CDC14A: variants seen among roughly 807,000 people sequenced by gnomAD.
CDC14A encodes cell division cycle 14A, also known as dual specificity protein phosphatase CDC14A.
CDC14A carries 53 observed loss-of-function variants against 74.4 expected under a neutral mutation model. The ratio of observed to expected loss-of-function variants is 0.71; its 90% confidence interval spans 0.57 to 0.89. CDC14A has a LOEUF of 0.89. Ranked by LOEUF, CDC14A falls within the 40% of genes least tolerant of loss-of-function variation. The probability of loss-of-function intolerance (pLI) is 0.00; values close to 1 mark genes in which losing one functional copy is unlikely to be tolerated. For synonymous variants in CDC14A, 247 were observed against 258.4 expected, an observed-to-expected ratio of 0.96 and a Z score of 0.43; for missense variants, 646 against 713.7, an observed-to-expected ratio of 0.91 and a Z score of 1.08.
intron 11 of CDC14A, among the ~76,000 whole-genome samples, chr1:100,494,272 T>C (rs1441764584): frequency 1.3e-5 from 2 of 152,142 alleles, no homozygotes; most frequent in Non-Finnish European, 2.9e-5. Flanking sequence ...CTTTAAAGAG[T>C]TATTTCAGAA....
intron 4 of CDC14A, among the ~76,000 whole-genome samples, chr1:100,401,601 A>G (rs1271950351): frequency 1.3e-5 from 2 of 152,236 alleles, no homozygotes; most frequent in Non-Finnish European, 2.9e-5. Context: ...ATTGTGGATA[A>G]TAATGTTAAT....
intron 9 of CDC14A, among the ~76,000 whole-genome samples, chr1:100,463,779 G>T (rs1309745781): frequency 6.6e-6 from 1 of 152,094 alleles, no homozygotes. Flanking sequence ...TTTCGGTATG[G>T]ATAATACTGG....
At chr1:100,415,379 A>T (rs556599600) in intron 4 of CDC14A, among the ~76,000 whole-genome samples, 4 of 152,288 alleles carry the variant, frequency 2.6e-5, no homozygotes, top group South Asian at 2.1e-4. Context: ...TCAAACAAAA[A>T]ACATACTCAT....
At chr1:100,456,639 T>C (rs1666725140) in intron 8 of CDC14A, among the ~76,000 whole-genome samples, 1 of 136,880 alleles carries the variant, frequency 7.3e-6, no homozygotes, top group African/African-American at 3.1e-5. Context: ...ACCCTGTCTC[T>C]TAAAAAAAAA....
At chr1:100,379,801 G>T (rs143105767) in intron 3 of CDC14A, among the ~76,000 whole-genome samples, 4 of 152,132 alleles carry the variant, frequency 2.6e-5, no homozygotes, top group African/African-American at 9.7e-5. Context: ...TTCACTCAAG[G>T]CAGAAGGTCA....
chr1:100,438,300 G>A (rs1192077267), intron 5 of CDC14A, among the ~76,000 whole-genome samples: 1 of 152,070 alleles, frequency 6.6e-6, no homozygotes, highest in Non-Finnish European at 1.5e-5. Flanking sequence ...AATTGAAATA[G>A]TTTTCTGTTA....
chr1:100,516,027 G>C (rs938028110), intron 15 of CDC14A, among the ~76,000 whole-genome samples: 7 of 152,222 alleles, frequency 4.6e-5, no homozygotes, highest in Non-Finnish European at 1.0e-4. Context: ...AGCAAACTAG[G>C]GGGTTGGAAA....
intron 4 of CDC14A, chr1:100,393,297 A>G (rs1657966856): frequency 1.7e-6 from 2 of 1,207,978 alleles, no homozygotes; most frequent in African/African-American, 3.0e-5. Flanking sequence ...TTCATTGTAT[A>G]CTTTCCAGGC....
chr1:100,468,170 C>T, intron 10 of CDC14A, 76 bp downstream of exon 10: 9 of 1,520,864 alleles, frequency 5.9e-6, no homozygotes, highest in Non-Finnish European at 7.2e-6. Context: ...TGGTTGTGGA[C>T]CATGTCAGCC....
At chr1:100,391,448 G>A (rs1434191406) in intron 4 of CDC14A, among the ~76,000 whole-genome samples, 1 of 152,206 alleles carries the variant, frequency 6.6e-6, no homozygotes, top group African/African-American at 2.4e-5. Context: ...GTTTTAGGTG[G>A]TGATTCTGGA....
chr1:100,454,815 A>G (rs1666518566), intron 7 of CDC14A, among the ~76,000 whole-genome samples: 1 of 152,100 alleles, frequency 6.6e-6, no homozygotes, highest in Non-Finnish European at 1.5e-5. Context: ...GACTCTATGT[A>G]TGTCCCTTGC....
chr1:100,351,994 GT>G (rs1651077481), upstream of CDC14A, among the ~76,000 whole-genome samples: 2 of 145,614 alleles, frequency 1.4e-5, no homozygotes, highest in Admixed American at 1.3e-4. Context: ...GTGTGTGTGT[GT>G]GTGTGTGTGC....
intron 2 of CDC14A, among the ~76,000 whole-genome samples, chr1:100,377,271 C>G (rs1373258223): frequency 1.3e-5 from 2 of 152,098 alleles, no homozygotes; most frequent in African/African-American, 4.8e-5. Context: ...AACACCTGAC[C>G]TCAGGCAGTC....
intron 2 of CDC14A, among the ~76,000 whole-genome samples, chr1:100,359,824 C>T (rs1183636867): frequency 6.6e-6 from 1 of 151,782 alleles, no homozygotes; most frequent in East Asian, 1.9e-4. Context: ...AAAAAAAACC[C>T]TCAGAAAACT....
intron 2 of CDC14A, among the ~76,000 whole-genome samples, chr1:100,360,108 ATTTTTTTTT>A (rs35028152): frequency 8.1e-6 from 1 of 123,726 alleles, no homozygotes; most frequent in Non-Finnish European, 1.7e-5. Context: ...ACACCCAGCT[ATTTTTTTTT>A]TTTTTTTTTG....
chr1:100,436,649 C>T (rs1428502204), intron 5 of CDC14A, among the ~76,000 whole-genome samples: 1 of 152,124 alleles, frequency 6.6e-6, no homozygotes, highest in South Asian at 2.1e-4. Flanking sequence ...TGGTCTTGAA[C>T]TCCTTACCTC....
intron 11 of CDC14A, among the ~76,000 whole-genome samples, chr1:100,485,664 TA>T (rs1324577524): frequency 6.6e-6 from 1 of 152,186 alleles, no homozygotes; most frequent in Non-Finnish European, 1.5e-5. Context: ...ACAAGGGCCT[TA>T]AACCAAATAC....
intron 4 of CDC14A, among the ~76,000 whole-genome samples, chr1:100,420,062 A>AT: frequency 1.9e-5 from 1 of 53,354 alleles, no homozygotes; most frequent in Non-Finnish European, 5.7e-5. Context: ...ACACACACAC[A>AT]CATATATATA....
chr1:100,478,609 G>C (rs1400652752), intron 10 of CDC14A, among the ~76,000 whole-genome samples: 1 of 152,172 alleles, frequency 6.6e-6, no homozygotes, highest in Non-Finnish European at 1.5e-5. Flanking sequence ...CTGAGACAGA[G>C]AGAACTCACA....
Sources: gnomAD v4.1 joint callset for allele counts (sites outside exome capture counted in the v4.1 genomes callset) on GRCh38, gnomAD v4.1.1 for gene constraint, MANE v1.5 for transcripts, NCBI Gene and HGNC (gene_info 2026-07-23, HGNC 2026-07-21) for gene names.